The following SNTB1 variants were observed in gnomAD, a reference collection of about 807,000 sequenced individuals.
SNTB1 encodes the protein syntrophin beta 1.
In SNTB1, 36 loss-of-function variants were observed where a neutral mutation model predicts 48.9. The observed-to-expected ratio is 0.74, with a 90% CI of 0.56 to 0.97. The LOEUF (loss-of-function observed/expected upper bound fraction) is 0.97. Among genes scored for constraint, SNTB1 ranks in the 50% least tolerant of loss-of-function variants. The pLI is 0.00. For missense variants in SNTB1, 786 were observed against 703.4 expected, an observed-to-expected ratio of 1.12 and a Z score of -1.33; for synonymous variants, 299 against 294.6, an observed-to-expected ratio of 1.01 and a Z score of -0.15.
intron 1 of SNTB1, among the ~76,000 whole-genome samples, chr8:120,777,074 G>A (rs1331807142): frequency 6.6e-6 from 1 of 152,150 alleles, no homozygotes; most frequent in Non-Finnish European, 1.5e-5. Context: ...ATTTAGAACG[G>A]GGAAGGACAG....
chr8:120,573,625 G>T (rs989919956), intron 4 of SNTB1, among the ~76,000 whole-genome samples: 3 of 152,150 alleles, frequency 2.0e-5, no homozygotes, highest in South Asian at 2.1e-4. Context: ...CCAATGTCAA[G>T]AATATTTTTC....
intron 2 of SNTB1, among the ~76,000 whole-genome samples, chr8:120,664,055 T>C (rs1817635612): frequency 6.6e-6 from 1 of 152,156 alleles, no homozygotes; most frequent in African/African-American, 2.4e-5. Flanking sequence ...AAGCCATGTA[T>C]AGCTTAGTGA....
At chr8:120,539,026 G>A in intron 6 of SNTB1, 57 bp from the exon 7 acceptor site, 1 of 1,357,434 alleles carries the variant, frequency 7.4e-7, no homozygotes, top group Non-Finnish European at 1.0e-6. Context: ...TGATGTAGAT[G>A]GGTGATTTGC....
intron 1 of SNTB1, among the ~76,000 whole-genome samples, chr8:120,797,736 G>A (rs545108543): frequency 6.6e-6 from 1 of 151,796 alleles, no homozygotes; most frequent in South Asian, 2.1e-4. Context: ...AACACATGCT[G>A]ACCTCTATGC....
At chr8:120,789,298 A>G (rs1819981419) in intron 1 of SNTB1, among the ~76,000 whole-genome samples, 1 of 151,976 alleles carries the variant, frequency 6.6e-6, no homozygotes, top group South Asian at 2.1e-4. Context: ...TTGAAAGATC[A>G]AAAATTGATA....
intron 2 of SNTB1, among the ~76,000 whole-genome samples, chr8:120,646,564 T>A (rs1263438366): frequency 1.3e-5 from 2 of 151,762 alleles, no homozygotes; most frequent in African/African-American, 2.4e-5. Flanking sequence ...GGATTCGTTT[T>A]GCCAGTATTT....
At chr8:120,694,322 T>C (rs143771052) in intron 1 of SNTB1, among the ~76,000 whole-genome samples, 2 of 152,264 alleles carry the variant, frequency 1.3e-5, no homozygotes, top group African/African-American at 4.8e-5. Flanking sequence ...ATGCCATTTT[T>C]CTGTTGAGAA....
Position 120,539,538 on chromosome 8 carries a change from G to A in SNTB1, c.1525-569C>T, listed in dbSNP as rs1303291913. Reference sequence around the variant, plus strand: ...CTCTAGTCTTGAACTGTTTAAGCACGTATGCCACATCTCTGGGAAGGCACC... The same window carrying A: ...CTCTAGTCTTGAACTGTTTAAGCACATATGCCACATCTCTGGGAAGGCACC... On this transcript the variant is annotated intron_variant, in intron 6 of 6. Transcript: ENST00000517992. 4.6e-5 allele frequency among the ~76,000 whole-genome samples: 7 copies of A among 152,212 alleles called. No homozygotes were observed. The South Asian group carries it at 1.2e-3, about 27-fold the overall frequency.
At chr8:120,687,079 A>G (rs938661967) in intron 2 of SNTB1, among the ~76,000 whole-genome samples, 7 of 152,226 alleles carry the variant, frequency 4.6e-5, no homozygotes, top group Non-Finnish European at 8.8e-5. Context: ...ATGTTTCAAT[A>G]GTATTCAAAG....
chr8:120,550,639 G>C (rs1815466296), intron 4 of SNTB1, among the ~76,000 whole-genome samples: 1 of 152,080 alleles, frequency 6.6e-6, no homozygotes, highest in Non-Finnish European at 1.5e-5. Context: ...TGCTGGCATG[G>C]GTGCCCACAC....
intron 2 of SNTB1, among the ~76,000 whole-genome samples, chr8:120,646,489 C>G (rs1383471789): frequency 6.7e-6 from 1 of 149,070 alleles, no homozygotes; most frequent in Non-Finnish European, 1.5e-5. Flanking sequence ...ATATATTGAA[C>G]CAGCCTTGCA....
Position 120,537,404 on chromosome 8 carries a change from T to C in SNTB1, c.*1473A>G, listed in dbSNP as rs1815219114. Reference sequence around the variant, plus strand: ...GTCAAGCCCCTTGGAACTAGCGTCATATGATATATTCTTTGGGGAAATGCT... The same window carrying C: ...GTCAAGCCCCTTGGAACTAGCGTCACATGATATATTCTTTGGGGAAATGCT... On this transcript the variant is annotated 3_prime_UTR_variant, in exon 7 of 7. Transcript: ENST00000517992. 1.3e-5 allele frequency: 2 copies of C among 152,210 alleles called. No homozygotes were observed. The highest frequency in any genetic ancestry group is 2.4e-5 in the African/African-American group (1 of 41,460). The allele number at this position is 152,210 out of a possible 1,614,324, so 9.4% of individuals were successfully genotyped here. A position where few individuals can be genotyped will look rare whatever the true frequency, so the allele number is the denominator to read the frequency against.
At chr8:120,684,233 A>G (rs545267578) in intron 2 of SNTB1, among the ~76,000 whole-genome samples, 14 of 152,290 alleles carry the variant, frequency 9.2e-5, no homozygotes, top group African/African-American at 3.4e-4. Context: ...CACAGGCCCC[A>G]TCTCTTAATA....
chr8:120,671,097 A>T (rs1817750130), intron 2 of SNTB1, among the ~76,000 whole-genome samples: 2 of 152,156 alleles, frequency 1.3e-5, no homozygotes, highest in South Asian at 4.1e-4. Flanking sequence ...GAAACTGCAG[A>T]TTTCCAGGCC....
At chr8:120,625,283 C>T (rs1187013082) in intron 3 of SNTB1, among the ~76,000 whole-genome samples, 2 of 152,208 alleles carry the variant, frequency 1.3e-5, no homozygotes, top group African/African-American at 4.8e-5. Flanking sequence ...CTTTCTATCT[C>T]AAGTTCTATG....
At chr8:120,626,685 T>A (rs1816890985) in intron 3 of SNTB1, among the ~76,000 whole-genome samples, 1 of 152,158 alleles carries the variant, frequency 6.6e-6, no homozygotes, top group Non-Finnish European at 1.5e-5. Flanking sequence ...TAGCAACATT[T>A]TATCCTTTGC....
intron 2 of SNTB1, among the ~76,000 whole-genome samples, chr8:120,663,597 G>A (rs1817626928): frequency 6.6e-6 from 1 of 152,134 alleles, no homozygotes; most frequent in Non-Finnish European, 1.5e-5. Flanking sequence ...ATGAGCCACT[G>A]CACCCGGCCA....
At chr8:120,693,937 T>C in intron 1 of SNTB1, 29 bp from the exon 2 acceptor site, 1 of 1,545,798 alleles carries the variant, frequency 6.5e-7, no homozygotes, top group South Asian at 1.1e-5. Flanking sequence ...CAAGTGCTTT[T>C]AATACATCAC....
intron 4 of SNTB1, among the ~76,000 whole-genome samples, chr8:120,572,670 C>T (rs1443365576): frequency 6.6e-6 from 1 of 152,122 alleles, no homozygotes; most frequent in Non-Finnish European, 1.5e-5. Flanking sequence ...AGGAAGATCA[C>T]CTGAGGTCAG....
Sources: allele counts gnomAD v4.1 joint callset (sites outside exome capture counted in the v4.1 genomes callset), GRCh38; gene constraint gnomAD v4.1.1; transcripts MANE v1.5; gene names NCBI Gene and HGNC (gene_info 2026-07-23, HGNC 2026-07-21).